LRIG2: variants seen among roughly 807,000 people sequenced by gnomAD.
LRIG2 encodes the protein leucine-rich repeats and immunoglobulin-like domains protein 2.
In LRIG2, 93 loss-of-function variants were observed where a neutral mutation model predicts 107.8. The ratio of observed to expected loss-of-function variants is 0.86; its 90% CI spans 0.73 to 1.03. The LOEUF (loss-of-function observed/expected upper bound fraction) is 1.03, where lower values mean the gene tolerates loss of function less well. Among genes scored for constraint, LRIG2 ranks in the 50% least tolerant of loss-of-function variants. The pLI is 0.00. For synonymous variants in LRIG2, 471 were observed against 470.6 expected, an observed-to-expected ratio of 1.00 and a Z score of -0.01; for missense variants, 1,226 against 1,296.0, an observed-to-expected ratio of 0.95 and a Z score of 0.83.
At chr1:113,099,677 TA>T (rs1408646866) in intron 9 of LRIG2, among the ~76,000 whole-genome samples, 4 of 152,178 alleles carry the variant, frequency 2.6e-5, no homozygotes. Context: ...ATTGAGAAAG[TA>T]GAGTAATGTG....
chr1:113,114,445 G>GAGAC lies in LRIG2; in HGVS notation c.2100_2101insGACA (p.Pro701AspfsTer6). On this transcript the variant is annotated frameshift_variant, in exon 15 of 18. Transcript: ENST00000361127. LOFTEE classifies it high-confidence loss of function. ...CTGTTAGAGACACCCTCATTTATTA[G>GAGAC]ACCCCTGGAGGATAAGACAGTAACA... The GAGAC allele has an allele frequency of 1.3e-6, 2 of 1,581,572 alleles. No individual in the cohort carries two copies. The highest frequency in any genetic ancestry group is 1.7e-6 in the Non-Finnish European group (2 of 1,163,634).
chr1:113,095,035 C>T lies in LRIG2; in HGVS notation c.803+280C>T, dbSNP rs1216804. On this transcript the variant is annotated intron_variant, in intron 6 of 17. Transcript: ENST00000361127. ...TGTTGCCCAGGCTGGAGTGCAATGG[C>T]GTGATCTCAGCTCCTGCAACCTCTG... 0.36 allele frequency among the ~76,000 whole-genome samples: 54,072 copies of T among 150,234 alleles called. 10,104 individuals carry two copies. The highest frequency in any genetic ancestry group is 0.64 in the East Asian group (3,269 of 5,082).
intron 6 of LRIG2, among the ~76,000 whole-genome samples, chr1:113,095,328 A>G (rs1051408445): frequency 2.6e-5 from 4 of 151,588 alleles, no homozygotes; most frequent in African/African-American, 9.7e-5. Context: ...TTATCCAAAC[A>G]GGTATACTAT....
In LRIG2 at chr1:113,129,829, G is replaced by C. The variant is rs1185385050; in HGVS notation, c.*5728G>C. On this transcript the variant is annotated 3_prime_UTR_variant, in exon 18 of 18. Transcript: ENST00000361127. ...CCTGGAAGAAAAGACAGTATTCCTT[G>C]AACTCCATGACCTACTGGTACAGGA... 2 of 131,404 alleles carry C rather than the reference G, an allele frequency of 1.5e-5. No individual in the cohort carries two copies. The highest frequency in any genetic ancestry group is 5.7e-5 in the African/African-American group (2 of 35,086). The allele number at this position is 131,404 out of a possible 1,614,324, so 8.1% of individuals were successfully genotyped here.
At chr1:113,122,708 G>A (rs1298563803) in intron 17 of LRIG2, among the ~76,000 whole-genome samples, 3 of 152,088 alleles carry the variant, frequency 2.0e-5, no homozygotes, top group African/African-American at 7.2e-5. Context: ...CTTCTTACTC[G>A]AAGTCTGGTC....
At chr1:113,098,457 T>C (rs1437392318) in intron 8 of LRIG2, among the ~76,000 whole-genome samples, 1 of 152,196 alleles carries the variant, frequency 6.6e-6, no homozygotes, top group Non-Finnish European at 1.5e-5. Context: ...GCAGGTTGCT[T>C]TATTTACCAA....
chr1:113,111,807 T>C (rs1009565055), intron 13 of LRIG2, among the ~76,000 whole-genome samples: 5 of 152,164 alleles, frequency 3.3e-5, no homozygotes, highest in African/African-American at 1.2e-4. Flanking sequence ...TTTGTAGATG[T>C]TGGTTTGGGA....
At chr1:113,108,936 A>G (rs562341336) in intron 12 of LRIG2, among the ~76,000 whole-genome samples, 3 of 152,120 alleles carry the variant, frequency 2.0e-5, no homozygotes, top group Admixed American at 2.0e-4. Flanking sequence ...TACATAGGAG[A>G]ACTTTTAGAT....
chr1:113,082,617 C>G (rs1239545875), intron 1 of LRIG2, among the ~76,000 whole-genome samples: 2 of 151,618 alleles, frequency 1.3e-5, no homozygotes, highest in African/African-American at 2.4e-5. Flanking sequence ...GGGGAGGTGT[C>G]ACGCTATTAT....
intron 1 of LRIG2, among the ~76,000 whole-genome samples, chr1:113,082,578 A>G (rs1419887597): frequency 1.3e-5 from 2 of 152,216 alleles, no homozygotes; most frequent in East Asian, 1.9e-4. Flanking sequence ...TCACATGGCA[A>G]AAGCAGGAGT....
intron 14 of LRIG2, among the ~76,000 whole-genome samples, chr1:113,113,449 T>C (rs1238019570): frequency 6.7e-6 from 1 of 150,336 alleles, no homozygotes; most frequent in Non-Finnish European, 1.5e-5. Context: ...TATTTTCCTA[T>C]ATGTCAGTTA....
rs926368794 is a variant in LRIG2 at position 113,073,541 on chromosome 1, G to A, written c.135G>A (p.Ala45=). 6.2e-7 allele frequency: 1 copy of A among 1,614,108 alleles called. No homozygotes were observed. The highest frequency in any genetic ancestry group is 8.5e-7 in the Non-Finnish European group (1 of 1,180,016). The change falls in exon 1 of 18, where the codon GCG becomes GCA. Residue 45 remains alanine (A), a synonymous_variant. Transcript: ENST00000361127. ...LPAAGAGLCP[A]PCSCRIPLLD... is the part of the protein sequence containing the mutation. ...CCGCCGGAGCAGGTCTCTGCCCCGCGCCCTGCTCCTGCCGCATTCCTCTCC... is the reference window on the plus strand; with the variant it reads ...CCGCCGGAGCAGGTCTCTGCCCCGCACCCTGCTCCTGCCGCATTCCTCTCC...
In LRIG2 at chr1:113,094,719, A is replaced by G. The variant is rs1392372742; in HGVS notation, c.767A>G (p.Asp256Gly). ...MQRNGISKLK[D>G]GAFFGLNNME... ...CGGAATGGAATTAGCAAACTTAAGG[A>G]TGGAGCATTTTTTGGCTTGAATAAC... The change falls in exon 6 of 18, where the codon GAT becomes GGT. Residue 256 changes from aspartate to glycine, a missense_variant. Asp to Gly is a moderately conservative substitution (Grantham distance 94). Coordinates refer to ENST00000361127, the MANE Select transcript of LRIG2 (RefSeq NM_014813.3). The G allele has an allele frequency of 6.2e-7, 1 of 1,613,838 alleles. No homozygotes were observed. Among genetic ancestry groups the G allele is most frequent in the Admixed American group, 1.7e-5 (1 of 59,996 alleles).
chr1:113,131,946 T>C lies in LRIG2; in HGVS notation c.*7845T>C, dbSNP rs977010827. 2.6e-5 allele frequency: 4 copies of C among 152,046 alleles called. No homozygotes were observed. Among genetic ancestry groups the C allele is most frequent in the Non-Finnish European group, 5.9e-5 (4 of 68,018 alleles). The allele number at this position is 152,046 out of a possible 1,614,324, so 9.4% of individuals were successfully genotyped here. A position where few individuals can be genotyped will look rare whatever the true frequency, so the allele number is the denominator to read the frequency against. On this transcript the variant is annotated 3_prime_UTR_variant, in exon 18 of 18. Coordinates refer to ENST00000361127, the MANE Select transcript of LRIG2 (RefSeq NM_014813.3). ...AACTGTAACTATCTTGAAAGAGAAA[T>C]TGATCATCAGATGGTCGAGTACTCT...
chr1:113,106,955 A>G (rs1654566175), intron 11 of LRIG2, among the ~76,000 whole-genome samples: 1 of 152,226 alleles, frequency 6.6e-6, no homozygotes, highest in African/African-American at 2.4e-5. Flanking sequence ...AAAGGAAGGT[A>G]CAATTAACAC....
intron 11 of LRIG2, among the ~76,000 whole-genome samples, chr1:113,101,097 G>T (rs1440850852): frequency 2.0e-5 from 3 of 152,236 alleles, no homozygotes; most frequent in African/African-American, 7.2e-5. Flanking sequence ...TTTGGAGACA[G>T]TCTTACTCTA....
chr1:113,100,077 A>G (rs544784771), intron 9 of LRIG2, 134 bp from the exon 10 acceptor site: 110 of 498,550 alleles, frequency 2.2e-4, no homozygotes, highest in East Asian at 1.0e-3. Context: ...TAGTATATCA[A>G]TTGTACCTCA....
At chr1:113,122,169 G>A (rs991735966) in intron 17 of LRIG2, among the ~76,000 whole-genome samples, 15 of 134,026 alleles carry the variant, frequency 1.1e-4, no homozygotes, top group African/African-American at 3.9e-4. Context: ...TGCAACCTCC[G>A]CTTTCCGGGT....
intron 17 of LRIG2, among the ~76,000 whole-genome samples, chr1:113,120,163 T>C (rs1349043549): frequency 1.3e-5 from 2 of 151,004 alleles, no homozygotes; most frequent in Non-Finnish European, 2.9e-5. Context: ...GAATAAAATA[T>C]GGGGGGCCGG....
Sources: allele counts gnomAD v4.1 joint callset (sites outside exome capture counted in the v4.1 genomes callset), GRCh38; gene constraint gnomAD v4.1.1; transcripts MANE v1.5; gene names NCBI Gene and HGNC (gene_info 2026-07-23, HGNC 2026-07-21).